CHST9: variants seen among roughly 807,000 people sequenced by gnomAD.
CHST9 encodes the protein GalNAc-4-sulfotransferase 2.
In CHST9, 41 loss-of-function variants were observed where a neutral mutation model predicts 44.4. The ratio of observed to expected loss-of-function variants is 0.92; its 90% CI spans 0.72 to 1.20. CHST9 has a LOEUF of 1.20. CHST9 is among the 50% of genes most tolerant of loss of function. The pLI, the probability that CHST9 is intolerant of heterozygous loss-of-function variation, is 0.00. For missense variants in CHST9, 504 were observed against 516.5 expected, an observed-to-expected ratio of 0.98 and a Z score of 0.23; for synonymous variants, 171 against 178.4, an observed-to-expected ratio of 0.96 and a Z score of 0.33.
intron 2 of CHST9, among the ~76,000 whole-genome samples, chr18:27,139,270 G>A (rs1352804510): frequency 6.6e-6 from 1 of 152,044 alleles, no homozygotes; most frequent in Non-Finnish European, 1.5e-5. Flanking sequence ...TGTGATCAAA[G>A]CCATTTAGAT....
chr18:27,088,280 C>A (rs2058032402), intron 2 of CHST9, among the ~76,000 whole-genome samples: 1 of 151,988 alleles, frequency 6.6e-6, no homozygotes, highest in Non-Finnish European at 1.5e-5. Flanking sequence ...CAAGAAAAGT[C>A]TTCTTTATGT....
intron 2 of CHST9, among the ~76,000 whole-genome samples, chr18:27,056,194 T>C (rs2057653334): frequency 2.0e-5 from 3 of 152,192 alleles, no homozygotes; most frequent in Admixed American, 2.0e-4. Context: ...TTTCTTTTTA[T>C]CAGGTAAGTA....
intron 4 of CHST9, among the ~76,000 whole-genome samples, chr18:26,980,021 T>C (rs1423069788): frequency 6.6e-6 from 1 of 152,180 alleles, no homozygotes; most frequent in Non-Finnish European, 1.5e-5. Context: ...TTTAAAGAAC[T>C]TGGATCTACT....
At chr18:26,940,543 G>A (rs563917205) in intron 5 of CHST9, among the ~76,000 whole-genome samples, 1 of 152,172 alleles carries the variant, frequency 6.6e-6, no homozygotes, top group Non-Finnish European at 1.5e-5. Context: ...ATAGAAAGGT[G>A]GTGAGGCTAA....
chr18:27,143,000 CTT>C (rs1157731249), intron 1 of CHST9, 95 bp from the exon 2 acceptor site: 45 of 472,566 alleles, frequency 9.5e-5, no homozygotes, highest in Non-Finnish European at 1.2e-4. Context: ...AGGCTGAAGA[CTT>C]AATGTGCACA....
In CHST9 at chr18:27,089,877, C is replaced by T. The variant is rs556057613; in HGVS notation, c.122-41374G>A. ...TCAGGCTGGAGTGCAGTCACGCGAT[C>T]TGGGCTCAGTGCAAGCTCCGCCTCC... On this transcript the variant is annotated intron_variant, in intron 2 of 5. Coordinates refer to ENST00000618847, the MANE Select transcript of CHST9 (RefSeq NM_031422.6). Among the ~76,000 whole-genome samples, 6 of 145,458 alleles carry T rather than the reference C, an allele frequency of 4.1e-5. No individual in the cohort carries two copies. The Admixed American group carries it at 4.3e-4, about 10-fold the overall frequency.
chr18:27,106,744 A>G (rs2058224457), intron 2 of CHST9, among the ~76,000 whole-genome samples: 1 of 152,246 alleles, frequency 6.6e-6, no homozygotes, highest in Admixed American at 6.5e-5. Flanking sequence ...CAGAAATCAT[A>G]TAATTTTCTT....
chr18:26,972,777 C>G (rs1020676452), intron 4 of CHST9, among the ~76,000 whole-genome samples: 14 of 152,222 alleles, frequency 9.2e-5, no homozygotes, highest in African/African-American at 3.4e-4. Context: ...AGGCGGCTCA[C>G]CCGGGGATGG....
intron 5 of CHST9, among the ~76,000 whole-genome samples, chr18:26,929,446 T>A (rs1290293338): frequency 1.3e-5 from 2 of 152,392 alleles, no homozygotes; most frequent in Middle Eastern, 3.4e-3. Flanking sequence ...AAAATGTGAA[T>A]GCATCCTGTC....
intron 2 of CHST9, among the ~76,000 whole-genome samples, chr18:27,121,005 T>C (rs2058369800): frequency 6.6e-6 from 1 of 152,080 alleles, no homozygotes; most frequent in African/African-American, 2.4e-5. Flanking sequence ...TGTTTTTGTT[T>C]TCATTTATTT....
At chr18:26,952,621 T>C (rs551713641) in intron 4 of CHST9, 1 of 298,470 alleles carries the variant, frequency 3.4e-6, no homozygotes, top group Non-Finnish European at 6.4e-6. Flanking sequence ...CTTCTCTGGG[T>C]AAGTTACTAG....
In CHST9 at chr18:26,910,185, T is replaced by G. The variant is rs761211009; in HGVS notation, c.*6074A>C. ...ACAGAAAGATGCCAAAAAAAGGTAC[T>G]GGATTTCTCCCAACATCTTTGTCAT... On this transcript the variant is annotated 3_prime_UTR_variant, in exon 6 of 6. Coordinates refer to ENST00000618847, the MANE Select transcript of CHST9 (RefSeq NM_031422.6). 2 of 152,146 alleles carry G rather than the reference T, an allele frequency of 1.3e-5. No individual in the cohort carries two copies. The highest frequency in any genetic ancestry group is 2.9e-5 in the Non-Finnish European group (2 of 68,024). The allele number at this position is 152,146 out of a possible 1,614,324, so 9.4% of individuals were successfully genotyped here.
rs114181688 is a variant in CHST9, at chr18:27,149,330, A to T, written c.-96-6425T>A. ...TGGTGTTTTAGACACGAAGTCTAATAATGGCCTCTAGCTCCATCCATGTTT... is the reference window on the plus strand; with the variant it reads ...TGGTGTTTTAGACACGAAGTCTAATTATGGCCTCTAGCTCCATCCATGTTT... On this transcript the variant is annotated intron_variant, in intron 1 of 5. Transcript: ENST00000618847. 8.7e-3 allele frequency among the ~76,000 whole-genome samples: 1,323 copies of T among 152,186 alleles called. 16 individuals are homozygous for T. The highest frequency in any genetic ancestry group is 0.031 in the African/African-American group (1,272 of 41,510).
chr18:27,131,999 T>C (rs1367171580), intron 2 of CHST9, among the ~76,000 whole-genome samples: 1 of 152,194 alleles, frequency 6.6e-6, no homozygotes, highest in African/African-American at 2.4e-5. Flanking sequence ...TGTCTTTGCC[T>C]GTAATGCCCA....
intron 2 of CHST9, among the ~76,000 whole-genome samples, chr18:27,095,853 C>A (rs1029817963): frequency 1.3e-5 from 2 of 152,096 alleles, no homozygotes; most frequent in Non-Finnish European, 2.9e-5. Flanking sequence ...TTCAATACCC[C>A]ACTAACAGCA....
At chr18:27,052,578 C>T (rs1215269375) in intron 2 of CHST9, among the ~76,000 whole-genome samples, 1 of 152,114 alleles carries the variant, frequency 6.6e-6, no homozygotes, top group Non-Finnish European at 1.5e-5. Flanking sequence ...TCTCTAGCTC[C>T]AAAATCTACT....
chr18:27,000,296 G>A (rs1169316184), intron 4 of CHST9, among the ~76,000 whole-genome samples: 9 of 152,184 alleles, frequency 5.9e-5, no homozygotes, highest in Admixed American at 1.3e-4. Context: ...TTTGTTGGAC[G>A]TTTGAGGGCT....
intron 4 of CHST9, among the ~76,000 whole-genome samples, chr18:26,947,841 A>T (rs191458872): frequency 1.3e-5 from 2 of 152,126 alleles, no homozygotes; most frequent in African/African-American, 4.8e-5. Flanking sequence ...CAATGTGGCG[A>T]CTCCTCAAGG....
chr18:27,155,818 T>C (rs1348082849), intron 1 of CHST9, among the ~76,000 whole-genome samples: 1 of 152,096 alleles, frequency 6.6e-6, no homozygotes, highest in Non-Finnish European at 1.5e-5. Context: ...AATCCAAGCA[T>C]GATTAAATGG....
Sources: allele counts gnomAD v4.1 joint callset (sites outside exome capture counted in the v4.1 genomes callset), GRCh38; gene constraint gnomAD v4.1.1; transcripts MANE v1.5; gene names NCBI Gene and HGNC (gene_info 2026-07-23, HGNC 2026-07-21).